DMD: variants seen among roughly 807,000 people sequenced by gnomAD.
The protein encoded by DMD is mutant dystrophin.
DMD carries 63 observed loss-of-function variants against 330.1 expected under a neutral mutation model. That is an observed-to-expected ratio of 0.19 (90% CI 0.16 to 0.24). DMD has a LOEUF of 0.24. Among genes scored for constraint, DMD ranks in the 10% least tolerant of loss-of-function variants. The pLI is 1.00. For synonymous variants in DMD, 1,223 were observed against 959.8 expected (o/e 1.27, Z -5.07); for missense variants, 3,344 against 2,684.1 (o/e 1.25, Z -5.43).
chrX:32,774,327 C>A (rs2073931943), intron 7 of DMD, among the ~76,000 whole-genome samples: 1 of 111,836 alleles, frequency 8.9e-6, no homozygotes, highest in South Asian at 3.7e-4. Flanking sequence ...CTGTTTAAGT[C>A]CACAGTCAAT....
chrX:32,657,300 T>C (rs1375274623), intron 9 of DMD, among the ~76,000 whole-genome samples: 1 of 111,658 alleles, frequency 9.0e-6, no homozygotes, highest in Non-Finnish European at 1.9e-5. Context: ...GAAATGTACC[T>C]AGAACAATTT....
chrX:33,057,857 C>T (rs1298193189), intron 1 of DMD, among the ~76,000 whole-genome samples: 1 of 110,846 alleles, frequency 9.0e-6, no homozygotes, highest in Non-Finnish European at 1.9e-5. Context: ...CACGGATATA[C>T]CCAATTTTTG....
chrX:32,966,589 C>T (rs146897300), intron 2 of DMD, among the ~76,000 whole-genome samples: 1,153 of 111,785 alleles, frequency 0.01, 16 homozygotes, highest in African/African-American at 0.036. Flanking sequence ...TTTCCCCTTG[C>T]TGCTTCATGG....
At chrX:31,280,385 A>G (rs1483637358) in intron 62 of DMD, among the ~76,000 whole-genome samples, 1 of 111,818 alleles carries the variant, frequency 8.9e-6, no homozygotes, top group Non-Finnish European at 1.9e-5. Flanking sequence ...AAAATTCTTG[A>G]AAATGCAAAG....
intron 13 of DMD, among the ~76,000 whole-genome samples, chrX:32,585,524 AC>A (rs932454370): frequency 1.9e-5 from 2 of 107,487 alleles, no homozygotes; most frequent in Admixed American, 2.0e-4. Context: ...ACACAGTGAA[AC>A]CCATCTCTAC....
chrX:33,118,271 C>T (rs1603305302), intron 1 of DMD, among the ~76,000 whole-genome samples: 1 of 108,239 alleles, frequency 9.2e-6, no homozygotes, highest in East Asian at 2.9e-4. Context: ...CTACCACGCC[C>T]GGCTAATTTT....
intron 47 of DMD, among the ~76,000 whole-genome samples, chrX:31,921,717 A>T (rs1359093642): frequency 8.9e-6 from 1 of 112,364 alleles, no homozygotes; most frequent in Non-Finnish European, 1.9e-5. Context: ...TTGAATTTTC[A>T]CCACAACCTG....
At chrX:31,821,891 A>G (rs889798369) in intron 49 of DMD, among the ~76,000 whole-genome samples, 4 of 112,457 alleles carry the variant, frequency 3.6e-5, no homozygotes, top group South Asian at 3.6e-4. Flanking sequence ...CAGAAACTAC[A>G]AACTCTTTAA....
At chrX:32,571,017 T>C (rs1054908707) in intron 15 of DMD, among the ~76,000 whole-genome samples, 1 of 111,931 alleles carries the variant, frequency 8.9e-6, no homozygotes, top group African/African-American at 3.2e-5. Flanking sequence ...TTGCTATAAC[T>C]TGACCTTGGT....
At chrX:32,216,856 TAA>T (rs1208443109) in intron 44 of DMD, 58 bp downstream of exon 44, 37 of 1,079,795 alleles carry the variant, frequency 3.4e-5, no homozygotes, top group South Asian at 9.5e-5. Flanking sequence ...TTTAAGAAGT[TAA>T]AGAGTCCAGA....
intron 44 of DMD, among the ~76,000 whole-genome samples, chrX:32,116,088 C>T (rs1054868615): frequency 8.9e-6 from 1 of 111,965 alleles, no homozygotes; most frequent in African/African-American, 3.3e-5. Flanking sequence ...TTGCCCTTGC[C>T]TATACTTGCA....
At chrX:31,201,586 A>G (rs1481241896) in intron 67 of DMD, among the ~76,000 whole-genome samples, 1 of 112,057 alleles carries the variant, frequency 8.9e-6, no homozygotes, top group East Asian at 2.8e-4. Context: ...GCAGGCAGAA[A>G]TGGAATAGGT....
At chrX:32,246,671 T>C (rs1442036732) in intron 43 of DMD, among the ~76,000 whole-genome samples, 1 of 99,373 alleles carries the variant, frequency 1.0e-5, no homozygotes, top group African/African-American at 3.7e-5. Context: ...GAGATTCAAC[T>C]TCTTCCTGGT....
chrX:33,307,105 C>A (rs1213524340), intron 1 of DMD, among the ~76,000 whole-genome samples: 1 of 110,844 alleles, frequency 9.0e-6, no homozygotes, highest in Non-Finnish European at 1.9e-5. Context: ...TCCCTGAAAT[C>A]CAGCAGTGGC....
intron 55 of DMD, among the ~76,000 whole-genome samples, chrX:31,612,693 C>T (rs1170629037): frequency 9.0e-6 from 1 of 110,694 alleles, no homozygotes; most frequent in East Asian, 2.8e-4. Context: ...ACATGGAACC[C>T]GATATTATTA....
chrX:32,036,411 GAA>G (rs1006256205), intron 44 of DMD, among the ~76,000 whole-genome samples: 37 of 111,572 alleles, frequency 3.3e-4, no homozygotes, highest in African/African-American at 1.1e-3. Context: ...ATTCTAGAGA[GAA>G]AATGTAAGAA....
At chrX:31,269,224 A>T (rs755606698) in intron 62 of DMD, among the ~76,000 whole-genome samples, 1 of 111,860 alleles carries the variant, frequency 8.9e-6, no homozygotes, top group Admixed American at 9.5e-5. Context: ...TATTAGAGGA[A>T]AGCATTTGGA....
intron 44 of DMD, among the ~76,000 whole-genome samples, chrX:32,012,985 A>G (rs933546007): frequency 1.8e-5 from 2 of 110,850 alleles, no homozygotes; most frequent in African/African-American, 3.3e-5. Context: ...ATTCTTCCCT[A>G]ACATCAGCCT....
chrX:32,693,005 A>AAAT (rs780427964), intron 9 of DMD, among the ~76,000 whole-genome samples: 1 of 112,262 alleles, frequency 8.9e-6, no homozygotes, highest in African/African-American at 3.2e-5. Context: ...AGAGTTCAAG[A>AAAT]AATTCTCTGA....
Sources: allele counts gnomAD v4.1 joint callset (sites outside exome capture counted in the v4.1 genomes callset), GRCh38; gene constraint gnomAD v4.1.1; transcripts MANE v1.5; gene names NCBI Gene and HGNC (gene_info 2026-07-23, HGNC 2026-07-21).